EYA4: variants seen among roughly 807,000 people sequenced by gnomAD.
EYA4 encodes the protein protein phosphatase EYA4.
Under a neutral mutation model 87.9 loss-of-function variants are expected in EYA4, and 31 were observed. The ratio of observed to expected loss-of-function variants is 0.35; its 90% CI spans 0.27 to 0.48. The LOEUF is 0.48. EYA4 is among the 20% of genes least tolerant of loss of function. The pLI is 0.99. For synonymous variants in EYA4, 263 were observed against 270.6 expected (o/e 0.97, Z 0.28); for missense variants, 678 against 761.4 (o/e 0.89, Z 1.29).
intron 2 of EYA4, among the ~76,000 whole-genome samples, chr6:133,352,568 G>T (rs1321859974): frequency 6.6e-6 from 1 of 152,052 alleles, no homozygotes; most frequent in East Asian, 1.9e-4. Flanking sequence ...AAAAAATTAA[G>T]TTAGTGATTT....
chr6:133,263,781 A>G (rs554677090), intron 1 of EYA4, among the ~76,000 whole-genome samples: 1 of 152,298 alleles, frequency 6.6e-6, no homozygotes, highest in African/African-American at 2.4e-5. Context: ...ATTTAGTGTA[A>G]TGGCACTTTC....
At chr6:133,463,583 A>G (rs542462091) in intron 9 of EYA4, among the ~76,000 whole-genome samples, 1 of 151,826 alleles carries the variant, frequency 6.6e-6, no homozygotes, top group Admixed American at 6.6e-5. Context: ...CTGGTCTCAA[A>G]CTCCTGATCT....
rs537960641 is a variant in EYA4, at chr6:133,294,651, T to C, written c.33+19838T>C. On this transcript the variant is annotated intron_variant, in intron 2 of 19. Transcript: ENST00000355286. ...GGTGCGATCTCGATTCACTGCAACC[T>C]CCTCGTCCTGAGCTCAAGTGATTCT... Among the ~76,000 whole-genome samples the C allele has an allele frequency of 8.5e-4, 129 of 152,284 alleles. 1 individual carries two copies. The highest frequency in any genetic ancestry group is 3.4e-3 in the Middle Eastern group (1 of 294).
intron 1 of EYA4, among the ~76,000 whole-genome samples, chr6:133,254,827 C>A (rs529093562): frequency 7.9e-5 from 12 of 152,262 alleles, no homozygotes; most frequent in Non-Finnish European, 1.8e-4. Flanking sequence ...GACCTTAAGT[C>A]ATTTACTCAG....
intron 2 of EYA4, among the ~76,000 whole-genome samples, chr6:133,281,562 C>T (rs919059671): frequency 6.6e-6 from 1 of 152,260 alleles, no homozygotes; most frequent in Admixed American, 6.5e-5. Context: ...TTAGCTCTTA[C>T]ATTTAGGTCT....
intron 10 of EYA4, among the ~76,000 whole-genome samples, chr6:133,467,492 A>G (rs1794952805): frequency 1.3e-5 from 2 of 152,234 alleles, no homozygotes; most frequent in South Asian, 2.1e-4. Flanking sequence ...AGATATTGGT[A>G]GGAACTTTGT....
intron 12 of EYA4, among the ~76,000 whole-genome samples, chr6:133,482,113 A>G (rs1029602102): frequency 2.0e-4 from 31 of 152,216 alleles, no homozygotes; most frequent in African/African-American, 7.5e-4. Context: ...AGTTCTTTTG[A>G]GATATATCTG....
At chr6:133,342,164 C>G (rs1036008367) in intron 2 of EYA4, among the ~76,000 whole-genome samples, 4 of 151,884 alleles carry the variant, frequency 2.6e-5, no homozygotes, top group Non-Finnish European at 5.9e-5. Flanking sequence ...AAATTGAGAC[C>G]AGTCTAGATT....
chr6:133,277,515 T>A (rs1777274639), intron 2 of EYA4, among the ~76,000 whole-genome samples: 1 of 152,252 alleles, frequency 6.6e-6, no homozygotes, highest in Non-Finnish European at 1.5e-5. Flanking sequence ...AGATGTCTTA[T>A]GAAGTGCTTG....
intron 2 of EYA4, among the ~76,000 whole-genome samples, chr6:133,308,524 T>C (rs1388597725): frequency 6.6e-6 from 1 of 152,196 alleles, no homozygotes; most frequent in African/African-American, 2.4e-5. Flanking sequence ...AATTACTTTT[T>C]CAATCATTCT....
At chr6:133,355,945 G>C (rs1008903773) in intron 2 of EYA4, among the ~76,000 whole-genome samples, 13 of 152,156 alleles carry the variant, frequency 8.5e-5, no homozygotes, top group African/African-American at 3.1e-4. Context: ...CACAGGTCTG[G>C]AGATTGGGAA....
At chr6:133,379,097 C>A (rs1319867654) in intron 2 of EYA4, among the ~76,000 whole-genome samples, 1 of 151,842 alleles carries the variant, frequency 6.6e-6, no homozygotes, top group Admixed American at 6.6e-5. Flanking sequence ...GCTTGTTTTC[C>A]ACTTCATTCA....
chr6:133,444,850 C>T (rs554273675), intron 3 of EYA4, among the ~76,000 whole-genome samples: 1 of 152,284 alleles, frequency 6.6e-6, no homozygotes, highest in Non-Finnish European at 1.5e-5. Context: ...AAGTGCTTCT[C>T]TCATAGATCC....
chr6:133,375,400 A>G (rs1785596954), intron 2 of EYA4, among the ~76,000 whole-genome samples: 1 of 151,994 alleles, frequency 6.6e-6, no homozygotes, highest in African/African-American at 2.4e-5. Flanking sequence ...AAAAGCTTAT[A>G]TTGTAAAAAT....
At chr6:133,269,120 G>T (rs138997205) in intron 1 of EYA4, among the ~76,000 whole-genome samples, 2 of 152,064 alleles carry the variant, frequency 1.3e-5, no homozygotes, top group African/African-American at 4.8e-5. Flanking sequence ...TTAGCCAGGC[G>T]TGGTGGCACG....
intron 2 of EYA4, among the ~76,000 whole-genome samples, chr6:133,355,682 G>T (rs979978225): frequency 5.3e-5 from 8 of 152,116 alleles, no homozygotes; most frequent in African/African-American, 1.9e-4. Context: ...TCTCTAAAGA[G>T]ATTTGTATTG....
intron 2 of EYA4, among the ~76,000 whole-genome samples, chr6:133,368,465 A>G (rs1785023340): frequency 6.6e-6 from 1 of 152,234 alleles, no homozygotes; most frequent in South Asian, 2.1e-4. Flanking sequence ...AAAATATTGA[A>G]TGACTTACAG....
chr6:133,262,399 T>C (rs1775870631), intron 1 of EYA4, among the ~76,000 whole-genome samples: 1 of 152,018 alleles, frequency 6.6e-6, no homozygotes, highest in Non-Finnish European at 1.5e-5. Context: ...GCAATAGGAG[T>C]AACACAAGAG....
At chr6:133,411,726 A>G (rs1030063754) in intron 3 of EYA4, among the ~76,000 whole-genome samples, 4 of 152,194 alleles carry the variant, frequency 2.6e-5, no homozygotes, top group Admixed American at 6.5e-5. Context: ...TTATGTATGT[A>G]ATCATTTTCT....
Sources: gnomAD v4.1 joint callset for allele counts (sites outside exome capture counted in the v4.1 genomes callset) on GRCh38, gnomAD v4.1.1 for gene constraint, MANE v1.5 for transcripts, NCBI Gene and HGNC (gene_info 2026-07-23, HGNC 2026-07-21) for gene names.